Variants in DMGDH observed in about 807,000 individuals in gnomAD.
The protein encoded by DMGDH is dimethylglycine dehydrogenase, mitochondrial.
Under a neutral mutation model 95.2 loss-of-function variants are expected in DMGDH, and 76 were observed. The observed-to-expected ratio is 0.80, with a 90% CI of 0.66 to 0.97. DMGDH has a LOEUF of 0.97. Ranked by LOEUF, DMGDH falls within the 50% of genes least tolerant of loss-of-function variation. DMGDH has a pLI of 0.00. For synonymous variants in DMGDH, 345 were observed against 377.6 expected (o/e 0.91, Z 1.00); for missense variants, 987 against 1,055.0 (o/e 0.94, Z 0.89).
At chr5:79,023,750 G>A (rs1017484004) in intron 14 of DMGDH, among the ~76,000 whole-genome samples, 1 of 152,124 alleles carries the variant, frequency 6.6e-6, no homozygotes, top group Admixed American at 6.5e-5. Flanking sequence ...ATTTTATGCC[G>A]AAAACGTTTG....
chr5:79,002,676 T>C (rs1753473263), intron 15 of DMGDH, among the ~76,000 whole-genome samples: 1 of 152,128 alleles, frequency 6.6e-6, no homozygotes, highest in Non-Finnish European at 1.5e-5. Flanking sequence ...ATCTCCAGCA[T>C]TGGAAATGCT....
chr5:79,025,685 C>T (rs1196176079), intron 13 of DMGDH, among the ~76,000 whole-genome samples: 3 of 152,170 alleles, frequency 2.0e-5, no homozygotes, highest in Non-Finnish European at 4.4e-5. Context: ...TCATCTTTTA[C>T]CACTATCCCT....
chr5:79,044,451 C>A lies in DMGDH; in HGVS notation c.847G>T (p.Ala283Ser). Reference protein sequence around the residue: ...VVTSTISEVKALKRELPVLRD... With the variant: ...VVTSTISEVKSLKRELPVLRD... ...AGCACAGGCAGTTCTCGTTTCAAAG[C>A]TTTCACTTCAGATATAGTCGATGTA... Residue 283 changes from alanine (A) to serine (S), a missense_variant, in exon 6 of 16, where the codon GCT becomes TCT. By Grantham distance (99) the Ala-to-Ser change is moderately conservative. Coordinates refer to ENST00000255189, the MANE Select transcript of DMGDH (RefSeq NM_013391.3). The A allele has an allele frequency of 6.2e-7, 1 of 1,614,162 alleles. No homozygotes were observed. Among genetic ancestry groups the A allele is most frequent in the Non-Finnish European group, 8.5e-7 (1 of 1,180,016 alleles).
chr5:79,041,461 A>G (rs1754504290), intron 7 of DMGDH, among the ~76,000 whole-genome samples: 3 of 152,236 alleles, frequency 2.0e-5, no homozygotes, highest in Non-Finnish European at 4.4e-5. Context: ...AACATCAAAG[A>G]GGCAATGGAG....
intron 12 of DMGDH, among the ~76,000 whole-genome samples, chr5:79,028,006 A>C (rs943941855): frequency 2.0e-5 from 3 of 151,978 alleles, no homozygotes; most frequent in Admixed American, 6.5e-5. Context: ...ACGCCCAGCT[A>C]ATTTTGTATT....
chr5:79,014,902 G>A (rs1753703368), intron 14 of DMGDH, among the ~76,000 whole-genome samples: 1 of 152,122 alleles, frequency 6.6e-6, no homozygotes, highest in South Asian at 2.1e-4. Context: ...AAGGATTCTT[G>A]GCCTCTGTCC....
At chr5:79,011,377 T>C (rs899624625) in intron 14 of DMGDH, among the ~76,000 whole-genome samples, 24 of 152,332 alleles carry the variant, frequency 1.6e-4, no homozygotes, top group African/African-American at 5.3e-4. Flanking sequence ...CAACTCTTGG[T>C]TCCTTTTCCA....
Position 79,042,325 on chromosome 5 carries a change from G to A in DMGDH, c.1151C>T (p.Pro384Leu). ...YSPDILPMVG[P>L]HQGVRNYWVA... Reference sequence around the variant, plus strand: ...CCAGTAGTTTCTGACCCCCTGATGGGGCCCCACCATAGGCAGAATGTCAGG... The same window carrying A: ...CCAGTAGTTTCTGACCCCCTGATGGAGCCCCACCATAGGCAGAATGTCAGG... The change falls in exon 7 of 16, where the codon CCC (proline) becomes CTC (leucine). Residue 384 changes from proline (P) to leucine (L), a missense_variant. Coordinates refer to ENST00000255189, the MANE Select transcript of DMGDH (RefSeq NM_013391.3). 1 of 1,614,152 alleles carries A rather than the reference G, an allele frequency of 6.2e-7. No homozygotes were observed. Among genetic ancestry groups the A allele is most frequent in the Non-Finnish European group, 8.5e-7 (1 of 1,180,024 alleles).
chr5:79,041,375 TAGA>T (rs1754501919), intron 7 of DMGDH, among the ~76,000 whole-genome samples: 1 of 152,166 alleles, frequency 6.6e-6, no homozygotes, highest in Admixed American at 6.6e-5. Context: ...AATAGAATAT[TAGA>T]AGATGTGATA....
At chr5:79,017,567 T>C (rs1417253114) in intron 14 of DMGDH, among the ~76,000 whole-genome samples, 2 of 152,320 alleles carry the variant, frequency 1.3e-5, no homozygotes, top group East Asian at 3.9e-4. Context: ...AGGACTATAA[T>C]ATATAAAATG....
chr5:79,001,315 AC>A (rs1934040238), intron 15 of DMGDH, among the ~76,000 whole-genome samples: 1 of 152,122 alleles, frequency 6.6e-6, no homozygotes, highest in Non-Finnish European at 1.5e-5. Context: ...GGTGTACACC[AC>A]CATGCCTGGC....
chr5:79,064,398 G>C (rs1212432514), intron 1 of DMGDH, among the ~76,000 whole-genome samples: 1 of 152,044 alleles, frequency 6.6e-6, no homozygotes, highest in Non-Finnish European at 1.5e-5. Context: ...GCTGTCTAGG[G>C]TACTTTACCA....
intron 14 of DMGDH, among the ~76,000 whole-genome samples, chr5:79,013,366 G>A: frequency 6.6e-6 from 1 of 152,044 alleles, no homozygotes. Flanking sequence ...CCTCAGCTTG[G>A]CCATCTCTGT....
At chr5:79,002,779 A>T (rs1283657924) in intron 15 of DMGDH, among the ~76,000 whole-genome samples, 1 of 152,254 alleles carries the variant, frequency 6.6e-6, no homozygotes, top group African/African-American at 2.4e-5. Flanking sequence ...AGTCCAGAGT[A>T]AAGAGGATCC....
At chr5:79,031,214 G>T (rs933324643) in intron 9 of DMGDH, among the ~76,000 whole-genome samples, 3 of 152,118 alleles carry the variant, frequency 2.0e-5, no homozygotes, top group African/African-American at 7.2e-5. Flanking sequence ...TTATCCCTTT[G>T]ACCTATTTCT....
At chr5:79,029,335 T>A (rs543887568) in intron 11 of DMGDH, among the ~76,000 whole-genome samples, 1 of 152,340 alleles carries the variant, frequency 6.6e-6, no homozygotes, top group South Asian at 2.1e-4. Context: ...ATGTATTAAA[T>A]AATAATATTC....
chr5:79,010,473 G>A (rs1051845470), intron 14 of DMGDH, among the ~76,000 whole-genome samples: 4 of 152,042 alleles, frequency 2.6e-5, no homozygotes, highest in African/African-American at 9.7e-5. Context: ...TCAATTTTTT[G>A]ATTGATTTTG....
chr5:79,047,728 T>C (rs1296425175), intron 5 of DMGDH, among the ~76,000 whole-genome samples: 1 of 152,188 alleles, frequency 6.6e-6, no homozygotes, highest in Non-Finnish European at 1.5e-5. Context: ...CCAGTTCTGC[T>C]AGCTCCGAAT....
chr5:79,001,108 C>A lies in DMGDH; in HGVS notation c.2386-2811G>T. The A allele has an allele frequency of 4.9e-6, 3 of 612,464 alleles. 1 individual carries two copies. The highest frequency in any genetic ancestry group is 1.9e-5 in the African/African-American group (1 of 53,408). 37.9% of individuals were successfully genotyped at this position (612,464 alleles called of 1,614,324 possible). ...TCCTGCCTTTGGTTACTCCCTGCGT[C>A]CCCCTCAGCCATGTAGCCCTGGAAG... On this transcript the variant is annotated intron_variant, in intron 15 of 15. Coordinates refer to ENST00000255189, the MANE Select transcript of DMGDH (RefSeq NM_013391.3).
Sources: gnomAD v4.1 joint callset for allele counts (sites outside exome capture counted in the v4.1 genomes callset) on GRCh38, gnomAD v4.1.1 for gene constraint, MANE v1.5 for transcripts, NCBI Gene and HGNC (gene_info 2026-07-23, HGNC 2026-07-21) for gene names.